Variants in BCR observed in about 807,000 individuals in gnomAD.
BCR encodes the protein breakpoint cluster region protein.
Under a neutral mutation model 138.6 loss-of-function variants are expected in BCR, and 58 were observed. The observed-to-expected ratio is 0.42, with a 90% CI of 0.34 to 0.52. The LOEUF is 0.52. BCR is among the 20% of genes least tolerant of loss of function. The pLI is 0.06. For missense variants in BCR, 1,599 were observed against 1,727.2 expected (o/e 0.93, Z 1.32); for synonymous variants, 786 against 730.1 (o/e 1.08, Z -1.23).
chr22:23,233,061 A>G (rs1164413199), intron 1 of BCR, among the ~76,000 whole-genome samples: 1 of 152,242 alleles, frequency 6.6e-6, no homozygotes, highest in Non-Finnish European at 1.5e-5. Flanking sequence ...CTTTCCAGAC[A>G]ATTGGGATCC....
rs1236924611 is a variant in BCR at position 23,273,642 on chromosome 22, G to A, written c.1983G>A (p.Leu661=). 6.2e-7 allele frequency: 1 copy of A among 1,613,732 alleles called. No individual in the cohort carries two copies. Among genetic ancestry groups the A allele is most frequent in the African/African-American group, 1.3e-5 (1 of 75,040 alleles). The change falls in exon 8 of 23, where the codon CTG becomes CTA. Residue 661 remains leucine, a synonymous_variant. Coordinates refer to ENST00000305877, the MANE Select transcript of BCR (RefSeq NM_004327.4). Reference sequence around the variant, plus strand: ...CTTTCTTCCTGGGGCAGGACTTGCTGAAGCACACTCCTGCCAGCCACCCTG... The same window carrying A: ...CTTTCTTCCTGGGGCAGGACTTGCTAAAGCACACTCCTGCCAGCCACCCTG... The part of the protein sequence containing the change: ...TRSTLVLHDL[L]KHTPASHPDH...
In BCR at chr22:23,273,065, C is replaced by T. The variant is rs2073527874; in HGVS notation, c.1922-16C>T. 1 of 1,611,404 alleles carries T rather than the reference C, an allele frequency of 6.2e-7. No individual in the cohort carries two copies. The highest frequency in any genetic ancestry group is 8.5e-7 in the Non-Finnish European group (1 of 1,178,272). ...CTCCATGTGCAACCTCTCTCACCTC[C>T]CCTCTCTCTCCACAGCTCTGCTCTA... is the stretch of plus-strand genomic sequence containing the variant. On this transcript the variant is annotated splice_polypyrimidine_tract_variant and intron_variant, in intron 6 of 22. Coordinates refer to ENST00000305877, the MANE Select transcript of BCR (RefSeq NM_004327.4).
chr22:23,291,207 CAA>C (rs34824833), intron 14 of BCR: 24 of 63,382 alleles, frequency 3.8e-4, no homozygotes, highest in Admixed American at 5.9e-4. Flanking sequence ...GACTCCGCCT[CAA>C]AAAAAAAAAA....
rs771835851 is a variant in BCR, at chr22:23,199,174, C to T, written c.1279+16935C>T. The T allele has an allele frequency of 9.5e-6, 4 of 419,616 alleles. No homozygotes were observed. The East Asian group carries it at 2.0e-4, about 21-fold the overall frequency. 26.0% of individuals were successfully genotyped at this position (419,616 alleles called of 1,614,324 possible). ...AACAAATGCAGGTTGTGATTATTAA[C>T]ATAAGTCTGGTTTCCTCTCTCATGG... On this transcript the variant is annotated intron_variant, in intron 1 of 22. Coordinates refer to ENST00000305877, the MANE Select transcript of BCR (RefSeq NM_004327.4).
chr22:23,289,669 C>T (rs764958654), intron 13 of BCR, 48 bp downstream of exon 13: 53 of 1,513,704 alleles, frequency 3.5e-5, no homozygotes, highest in Non-Finnish European at 4.5e-5. Context: ...GGAGGGCAGG[C>T]AGCTAGCCTG....
intron 1 of BCR, among the ~76,000 whole-genome samples, chr22:23,202,498 C>CAA (rs2072564181): frequency 6.6e-6 from 1 of 152,050 alleles, no homozygotes; most frequent in African/African-American, 2.4e-5. Flanking sequence ...TACTCATTTC[C>CAA]ACCCATTAAA....
chr22:23,223,674 C>T (rs1486331499), intron 1 of BCR, among the ~76,000 whole-genome samples: 1 of 152,156 alleles, frequency 6.6e-6, no homozygotes, highest in Non-Finnish European at 1.5e-5. Context: ...GGATCTGTGA[C>T]CTTCTCCACT....
At chr22:23,223,831 C>G (rs1007656304) in intron 1 of BCR, among the ~76,000 whole-genome samples, 1 of 152,194 alleles carries the variant, frequency 6.6e-6, no homozygotes, top group South Asian at 2.1e-4. Context: ...TGCTGTCCCC[C>G]CTGTAATGGG....
chr22:23,194,592 T>C (rs2072454939), intron 1 of BCR, among the ~76,000 whole-genome samples: 2 of 151,960 alleles, frequency 1.3e-5, no homozygotes, highest in South Asian at 2.1e-4. Context: ...TTTTGTATTT[T>C]TAGTAGAGAC....
chr22:23,232,839 C>G (rs2072974081), intron 1 of BCR, among the ~76,000 whole-genome samples: 2 of 152,210 alleles, frequency 1.3e-5, no homozygotes, highest in Admixed American at 6.5e-5. Context: ...TGTGGTCAGG[C>G]CAGACCATGG....
chr22:23,283,368 A>T (rs2073672517), intron 8 of BCR: 1 of 152,408 alleles, frequency 6.6e-6, no homozygotes. Flanking sequence ...TGCTGCCTTC[A>T]GAACCAGGCC....
intron 1 of BCR, among the ~76,000 whole-genome samples, chr22:23,252,416 CT>C (rs1409389228): frequency 2.2e-5 from 3 of 136,820 alleles, no homozygotes; most frequent in Admixed American, 7.5e-5. Context: ...GTTTCCCTTT[CT>C]TTTTCTTTTC....
At chr22:23,256,063 CAGCCATGCAACA>C (rs2073291757) in intron 2 of BCR, among the ~76,000 whole-genome samples, 1 of 152,186 alleles carries the variant, frequency 6.6e-6, no homozygotes, top group Admixed American at 6.5e-5. Flanking sequence ...GTTTCCCTGC[CAGCCATGCAACA>C]AGCCATGCAA....
chr22:23,274,359 G>A lies in BCR; in HGVS notation c.2115+585G>A, dbSNP rs923094668. On this transcript the variant is annotated intron_variant, in intron 8 of 22. Transcript: ENST00000305877. ...TCATCGATGAGCAGGCATGGCCTGT[G>A]CCTGTGCCGCTCTGAGCCTTCCTAG... 3.9e-5 allele frequency among the ~76,000 whole-genome samples: 6 copies of A among 152,324 alleles called. No individual in the cohort carries two copies. The South Asian group carries it at 1.0e-3, about 26-fold the overall frequency.
In BCR at chr22:23,273,547, C is replaced by T. The variant is rs1254032517; in HGVS notation, c.1975-87C>T. The T allele has an allele frequency of 5.9e-5, 93 of 1,569,740 alleles. 1 individual carries two copies. Among genetic ancestry groups the T allele is most frequent in the Non-Finnish European group, 7.4e-5 (85 of 1,151,464 alleles). On this transcript the variant is annotated intron_variant, in intron 7 of 22. Transcript: ENST00000305877. ...CTGAGGGAGCCGGCGCTCTGGGCTC[C>T]GTCCACACTTTGTGTCTGCACTTTG...
At chr22:23,288,017 C>T (rs2073737749) in intron 11 of BCR, 80 bp from the exon 12 acceptor site, 1 of 1,368,848 alleles carries the variant, frequency 7.3e-7, no homozygotes, top group Admixed American at 1.7e-5. Context: ...GAGTTGTGTG[C>T]TCTAAGGTGC....
intron 1 of BCR, among the ~76,000 whole-genome samples, chr22:23,218,104 T>C (rs956531735): frequency 6.6e-6 from 1 of 152,220 alleles, no homozygotes; most frequent in Non-Finnish European, 1.5e-5. Flanking sequence ...CCCCTCACTG[T>C]TCTCTTCATT....
At chr22:23,204,753 A>T (rs188893167) in intron 1 of BCR, among the ~76,000 whole-genome samples, 125 of 152,326 alleles carry the variant, frequency 8.2e-4, no homozygotes, top group East Asian at 6.6e-3. Context: ...ATCTGGGGCA[A>T]CGTGCCAAAG....
intron 8 of BCR, among the ~76,000 whole-genome samples, chr22:23,279,071 G>A (rs970632459): frequency 6.6e-6 from 1 of 152,342 alleles, no homozygotes; most frequent in Admixed American, 6.5e-5. Flanking sequence ...CTGCATGGGA[G>A]GGTTCTGTGG....
Sources: allele counts gnomAD v4.1 joint callset (sites outside exome capture counted in the v4.1 genomes callset), GRCh38; gene constraint gnomAD v4.1.1; transcripts MANE v1.5; gene names NCBI Gene and HGNC (gene_info 2026-07-23, HGNC 2026-07-21).